Variants in ZNF385D observed in about 807,000 individuals in gnomAD.
ZNF385D encodes the protein zinc finger protein 659.
Under a neutral mutation model 35.8 loss-of-function variants are expected in ZNF385D, and 15 were observed. The ratio of observed to expected loss-of-function variants is 0.42; its 90% confidence interval spans 0.28 to 0.64. The LOEUF is 0.64. ZNF385D is among the 30% of genes least tolerant of loss of function. ZNF385D has a pLI of 0.23. For synonymous variants in ZNF385D, 212 were observed against 186.8 expected, an observed-to-expected ratio of 1.13 and a Z score of -1.10; for missense variants, 474 against 494.6, an observed-to-expected ratio of 0.96 and a Z score of 0.39.
chr3:21,805,184 G>C (rs1023087778), intron 3 of ZNF385D, among the ~76,000 whole-genome samples: 1 of 152,202 alleles, frequency 6.6e-6, no homozygotes, highest in African/African-American at 2.4e-5. Context: ...GTTAATTTAA[G>C]AGAAGGTTGT....
intron 2 of ZNF385D, among the ~76,000 whole-genome samples, chr3:22,189,589 G>A (rs2125222060): frequency 6.6e-6 from 1 of 152,228 alleles, no homozygotes; most frequent in East Asian, 1.9e-4. Flanking sequence ...AGCAAATTTG[G>A]ACTGGTTTGT....
At chr3:22,085,954 C>A (rs1056690159) in intron 3 of ZNF385D, among the ~76,000 whole-genome samples, 11 of 152,136 alleles carry the variant, frequency 7.2e-5, no homozygotes, top group African/African-American at 2.4e-4. Context: ...TGATAGAAAC[C>A]ACGATTATCT....
At chr3:22,009,232 A>T (rs913811401) in intron 3 of ZNF385D, among the ~76,000 whole-genome samples, 5 of 152,160 alleles carry the variant, frequency 3.3e-5, no homozygotes, top group Non-Finnish European at 7.4e-5. Context: ...AATGTTTGAA[A>T]CAGAGAAAAA....
chr3:21,598,602 A>G (rs2064191846), intron 2 of ZNF385D, among the ~76,000 whole-genome samples: 3 of 152,236 alleles, frequency 2.0e-5, no homozygotes, highest in Admixed American at 2.0e-4. Context: ...AGTCTCAAAA[A>G]ATATCTGTCG....
At chr3:22,238,301 T>C (rs1342705320) in intron 2 of ZNF385D, among the ~76,000 whole-genome samples, 1 of 150,978 alleles carries the variant, frequency 6.6e-6, no homozygotes, top group Non-Finnish European at 1.5e-5. Flanking sequence ...TGGGGGTCCC[T>C]TGCATTTCCA....
intron 2 of ZNF385D, among the ~76,000 whole-genome samples, chr3:22,228,820 G>A (rs1289531574): frequency 6.6e-6 from 1 of 152,182 alleles, no homozygotes; most frequent in African/African-American, 2.4e-5. Context: ...GACTGGCTGA[G>A]TCTTCTGACC....
chr3:21,851,428 G>T (rs1178977896), intron 3 of ZNF385D, among the ~76,000 whole-genome samples: 3 of 151,830 alleles, frequency 2.0e-5, no homozygotes, highest in Non-Finnish European at 2.9e-5. Flanking sequence ...TTTTACAATA[G>T]AAACGAAAAT....
At chr3:22,324,740 C>A (rs1322049665) in intron 2 of ZNF385D, among the ~76,000 whole-genome samples, 1 of 152,132 alleles carries the variant, frequency 6.6e-6, no homozygotes, top group Non-Finnish European at 1.5e-5. Flanking sequence ...AAAAAGAAAT[C>A]CATTACTGCC....
At position 21,642,920 on chromosome 3, in the gene ZNF385D, A is replaced by G. The variant is rs377268304; in HGVS notation, c.165+21966T>C. The stretch of plus-strand genomic sequence containing the variant: ...ATTCATTGAGATGAAAAGAAGAATG[A>G]TGGTTGCCAGGGTCTCGGGAGAGGG... On this transcript the variant is annotated intron_variant, in intron 2 of 7. Transcript: ENST00000281523. Among the ~76,000 whole-genome samples, 8 of 152,214 alleles carry G rather than the reference A, an allele frequency of 5.3e-5. No individual in the cohort carries two copies. The South Asian group carries it at 8.3e-4, about 16-fold the overall frequency.
At chr3:21,607,928 C>G (rs1181483229) in intron 2 of ZNF385D, among the ~76,000 whole-genome samples, 1 of 151,918 alleles carries the variant, frequency 6.6e-6, no homozygotes, top group Non-Finnish European at 1.5e-5. Flanking sequence ...CTTATTCTTC[C>G]CGTAATTTAT....
chr3:22,106,309 G>T (rs1702210243), intron 3 of ZNF385D, among the ~76,000 whole-genome samples: 1 of 152,252 alleles, frequency 6.6e-6, no homozygotes, highest in East Asian at 1.9e-4. Context: ...CTTGGATGAA[G>T]TAAGGACAAT....
At chr3:21,523,983 AT>A (rs1443183866) in intron 3 of ZNF385D, among the ~76,000 whole-genome samples, 1 of 152,214 alleles carries the variant, frequency 6.6e-6, no homozygotes, top group Non-Finnish European at 1.5e-5. Flanking sequence ...CATTTGGCTA[AT>A]ATGTAAATTA....
At position 21,714,975 on chromosome 3, in the gene ZNF385D, T is replaced by C. The variant is rs544950709; in HGVS notation, c.22+35920A>G. 3.9e-5 allele frequency among the ~76,000 whole-genome samples: 6 copies of C among 152,322 alleles called. No homozygotes were observed. In the South Asian group the frequency reaches 1.2e-3, roughly 32 times the overall value. On this transcript the variant is annotated intron_variant, in intron 1 of 7. Transcript: ENST00000281523. ...ATGCCCTTGGCAAGAACAGCTATAA[T>C]CTACTCATTTAGCAAAATTCCTGAA...
Position 21,510,904 on chromosome 3 carries a change from G to C in ZNF385D, c.396C>G (p.Thr132=). 1 of 1,614,106 alleles carries C rather than the reference G, an allele frequency of 6.2e-7. No individual in the cohort carries two copies. Residue 132 remains threonine, a synonymous_variant, in exon 4 of 8, where the codon ACC becomes ACG. Coordinates refer to ENST00000281523, the MANE Select transcript of ZNF385D (RefSeq NM_024697.3). ...TAKDSAKTTF[T]SITTNTINTS... is the part of the protein sequence containing the mutation. ...TATTGATGGTATTGGTAGTGATGGA[G>C]GTGAAGGTAGTCTTTGCGCTGTCCT...
rs569711764 is a variant in ZNF385D at position 22,003,984 on chromosome 3, T to A, written c.325+164833A>T. Among the ~76,000 whole-genome samples the A allele has an allele frequency of 1.9e-4, 29 of 152,036 alleles. 1 individual carries two copies. The South Asian group carries it at 4.4e-3, about 23-fold the overall frequency. On this transcript the variant is annotated intron_variant, in intron 3 of 5. Transcript: ENST00000494108. Reference sequence around the variant, plus strand: ...AAACAAAGCTGGAGGCATCATACTATCTGACTTTAAAATATACTATAAAGT... The same window carrying A: ...AAACAAAGCTGGAGGCATCATACTAACTGACTTTAAAATATACTATAAAGT...
chr3:22,225,555 T>C (rs1698505364), intron 2 of ZNF385D, among the ~76,000 whole-genome samples: 1 of 152,164 alleles, frequency 6.6e-6, no homozygotes, highest in African/African-American at 2.4e-5. Flanking sequence ...CACTGAAGTA[T>C]GTATTCTACA....
In ZNF385D at chr3:21,606,315, A is replaced by T. The variant is rs567082765; in HGVS notation, c.166-41631T>A. 3.3e-5 allele frequency among the ~76,000 whole-genome samples: 5 copies of T among 152,222 alleles called. No individual in the cohort carries two copies. The East Asian group carries it at 9.7e-4, about 29-fold the overall frequency. On this transcript the variant is annotated intron_variant, in intron 2 of 7. Coordinates refer to ENST00000281523, the MANE Select transcript of ZNF385D (RefSeq NM_024697.3). ...CTGGGTGCCTTGACATGACATATTCATTCCTGTAGCCGTCCTCTCACCTCT... is the reference window on the plus strand; with the variant it reads ...CTGGGTGCCTTGACATGACATATTCTTTCCTGTAGCCGTCCTCTCACCTCT...
intron 1 of ZNF385D, among the ~76,000 whole-genome samples, chr3:21,683,096 T>C (rs2125319197): frequency 6.7e-6 from 1 of 149,660 alleles, no homozygotes; most frequent in Non-Finnish European, 1.5e-5. Context: ...ACTTACTAAT[T>C]CCTAGGTAAT....
intron 3 of ZNF385D, among the ~76,000 whole-genome samples, chr3:22,135,613 T>C (rs896936454): frequency 6.6e-6 from 1 of 152,192 alleles, no homozygotes; most frequent in Non-Finnish European, 1.5e-5. Context: ...TCTTTGTAGA[T>C]TTAATAAGCT....
Sources: allele counts gnomAD v4.1 joint callset (sites outside exome capture counted in the v4.1 genomes callset), GRCh38; gene constraint gnomAD v4.1.1; transcripts MANE v1.5; gene names NCBI Gene and HGNC (gene_info 2026-07-23, HGNC 2026-07-21).